The following TANGO6 variants were observed in gnomAD, a reference collection of about 807,000 sequenced individuals.
The protein encoded by TANGO6 is transport and Golgi organization protein 6 homolog.
A neutral mutation model predicts 114.2 loss-of-function variants in TANGO6; 90 were observed. That is an observed-to-expected ratio of 0.79 (90% CI 0.66 to 0.94). TANGO6 has a LOEUF of 0.94. TANGO6 is among the 40% of genes least tolerant of loss of function. The pLI, the probability that TANGO6 is intolerant of heterozygous loss-of-function variation, is 0.00. For missense variants in TANGO6, 1,274 were observed against 1,315.3 expected (o/e 0.97, Z 0.49); for synonymous variants, 477 against 509.8 (o/e 0.94, Z 0.87).
chr16:69,075,492 C>T (rs1960361004), intron 17 of TANGO6, among the ~76,000 whole-genome samples: 1 of 148,468 alleles, frequency 6.7e-6, no homozygotes, highest in Admixed American at 6.8e-5. Context: ...CTCACTCTGT[C>T]ACCCAGGCCA....
chr16:69,081,053 G>C (rs1960457362), intron 17 of TANGO6, among the ~76,000 whole-genome samples: 1 of 152,146 alleles, frequency 6.6e-6, no homozygotes, highest in Admixed American at 6.6e-5. Flanking sequence ...CAGGAGAATG[G>C]TGTGAACCCA....
intron 1 of TANGO6, among the ~76,000 whole-genome samples, chr16:68,852,737 A>T (rs1277934970): frequency 6.6e-6 from 1 of 152,076 alleles, no homozygotes; most frequent in Non-Finnish European, 1.5e-5. Context: ...AGAGGCTGAG[A>T]TGGGAGGACT....
chr16:68,971,221 G>A (rs1963701633), intron 14 of TANGO6, among the ~76,000 whole-genome samples: 1 of 151,794 alleles, frequency 6.6e-6, no homozygotes, highest in Non-Finnish European at 1.5e-5. Context: ...TAATATATCA[G>A]TGATATAACA....
At chr16:69,080,167 T>C (rs1960444185) in intron 17 of TANGO6, among the ~76,000 whole-genome samples, 2 of 152,252 alleles carry the variant, frequency 1.3e-5, no homozygotes, top group Admixed American at 6.5e-5. Flanking sequence ...CCTCTGCAGC[T>C]ATAAAAAATA....
At chr16:68,907,766 C>T (rs777241730) in intron 10 of TANGO6, among the ~76,000 whole-genome samples, 191 bp downstream of exon 10, 11 of 152,296 alleles carry the variant, frequency 7.2e-5, no homozygotes, top group Non-Finnish European at 1.3e-4. Flanking sequence ...CTTCTCTTCA[C>T]TAGTACTCAT....
chr16:68,861,157 G>T (rs1451456703), intron 2 of TANGO6, among the ~76,000 whole-genome samples: 1 of 152,152 alleles, frequency 6.6e-6, no homozygotes. Flanking sequence ...GCTGACTGGG[G>T]AGATAAGACT....
chr16:68,883,008 ACT>A (rs1208482233), intron 7 of TANGO6, among the ~76,000 whole-genome samples: 1 of 151,994 alleles, frequency 6.6e-6, no homozygotes, highest in Non-Finnish European at 1.5e-5. Flanking sequence ...ACAGAGCGAG[ACT>A]CTGTCTCAAA....
At chr16:68,878,871 G>A (rs1167482048) in intron 6 of TANGO6, among the ~76,000 whole-genome samples, 8 of 151,684 alleles carry the variant, frequency 5.3e-5, no homozygotes, top group African/African-American at 1.5e-4. Flanking sequence ...CCAGGAGTTC[G>A]AGACCACTGG....
At chr16:69,062,003 G>A (rs1960125797) in intron 17 of TANGO6, among the ~76,000 whole-genome samples, 1 of 152,116 alleles carries the variant, frequency 6.6e-6, no homozygotes, top group Non-Finnish European at 1.5e-5. Context: ...CTTGGCGACA[G>A]AGCGAGACTC....
At chr16:69,057,832 A>T (rs768966519) in intron 17 of TANGO6, among the ~76,000 whole-genome samples, 1 of 152,194 alleles carries the variant, frequency 6.6e-6, no homozygotes, top group African/African-American at 2.4e-5. Flanking sequence ...TAAGAGAGCA[A>T]AAGCAGGAAA....
At chr16:68,885,057 A>G (rs1404355393) in intron 7 of TANGO6, among the ~76,000 whole-genome samples, 2 of 152,238 alleles carry the variant, frequency 1.3e-5, no homozygotes, top group Non-Finnish European at 2.9e-5. Flanking sequence ...AACACTGGGT[A>G]AAATTTAACA....
In TANGO6 at chr16:69,040,292, T is replaced by C. The variant is rs201844337; in HGVS notation, c.2995-16T>C. 1.9e-6 allele frequency: 3 copies of C among 1,584,256 alleles called. No homozygotes were observed. In the South Asian group the frequency reaches 3.5e-5, roughly 18 times the overall value. On this transcript the variant is annotated splice_polypyrimidine_tract_variant and intron_variant, in intron 16 of 17. Coordinates refer to ENST00000261778, the MANE Select transcript of TANGO6 (RefSeq NM_024562.2). ...ACTCTGATTCTTATCAACTTCATCT[T>C]CCTTCATCCTCCTAGGTAACAGCTT...
At chr16:68,933,502 C>A (rs1456416036) in intron 14 of TANGO6, among the ~76,000 whole-genome samples, 1 of 152,212 alleles carries the variant, frequency 6.6e-6, no homozygotes, top group African/African-American at 2.4e-5. Flanking sequence ...TGTAGACCCA[C>A]TGAAGGTTCA....
chr16:68,893,760 A>C (rs2152177680), intron 7 of TANGO6, among the ~76,000 whole-genome samples: 1 of 150,214 alleles, frequency 6.7e-6, no homozygotes, highest in South Asian at 2.1e-4. Context: ...AAACAACCAA[A>C]AAAAAAAAAA....
chr16:68,929,441 C>T (rs1963212353), intron 13 of TANGO6, among the ~76,000 whole-genome samples: 1 of 152,124 alleles, frequency 6.6e-6, no homozygotes. Context: ...TCCCTACCTT[C>T]AAAACTGGCC....
Position 69,081,173 on chromosome 16 carries a change from A to G in TANGO6, c.3109-2312A>G, listed in dbSNP as rs375770341. On this transcript the variant is annotated intron_variant, in intron 17 of 17. Coordinates refer to ENST00000261778, the MANE Select transcript of TANGO6 (RefSeq NM_024562.2). ...AAATAAGTAAAAATAACCTTCCTCT[A>G]TAGGACTGGCAGAAAAATTAGATCA... Among the ~76,000 whole-genome samples, 12 of 152,172 alleles carry G rather than the reference A, an allele frequency of 7.9e-5. No individual in the cohort carries two copies. In the East Asian group the frequency reaches 1.2e-3, roughly 15 times the overall value.
chr16:68,982,679 C>T (rs545399463), intron 15 of TANGO6, among the ~76,000 whole-genome samples: 1 of 131,660 alleles, frequency 7.6e-6, no homozygotes, highest in Non-Finnish European at 1.6e-5. Flanking sequence ...ACTATGTTGC[C>T]CAGGCTGGTC....
chr16:68,916,618 C>G (rs1204800457), intron 11 of TANGO6, among the ~76,000 whole-genome samples: 1 of 152,048 alleles, frequency 6.6e-6, no homozygotes, highest in African/African-American at 2.4e-5. Flanking sequence ...CCATTCTTTA[C>G]TTACTAGAAT....
intron 14 of TANGO6, among the ~76,000 whole-genome samples, chr16:68,943,351 C>A (rs1031553720): frequency 2.0e-5 from 3 of 149,698 alleles, no homozygotes; most frequent in African/African-American, 7.4e-5. Context: ...TCACTGCAAC[C>A]TGAATCTGAG....
Sources: gnomAD v4.1 joint callset for allele counts (sites outside exome capture counted in the v4.1 genomes callset) on GRCh38, gnomAD v4.1.1 for gene constraint, MANE v1.5 for transcripts, NCBI Gene and HGNC (gene_info 2026-07-23, HGNC 2026-07-21) for gene names.